CALN1: variants seen among roughly 807,000 people sequenced by gnomAD.
CALN1 encodes the protein calneuron 1, also known as calcium-binding protein 8.
CALN1 carries 17 observed loss-of-function variants against 30.6 expected under a neutral mutation model. That is an observed-to-expected ratio of 0.56 (90% CI 0.38 to 0.83). CALN1 has a LOEUF of 0.83. Among genes scored for constraint, CALN1 ranks in the 40% least tolerant of loss-of-function variants. The pLI is 0.00. For missense variants in CALN1, 291 were observed against 354.9 expected, an observed-to-expected ratio of 0.82 and a Z score of 1.45; for synonymous variants, 156 against 131.4, an observed-to-expected ratio of 1.19 and a Z score of -1.28.
intron 3 of CALN1, among the ~76,000 whole-genome samples, chr7:72,124,179 CGT>C (rs532802773): frequency 3.2e-4 from 48 of 152,078 alleles, no homozygotes; most frequent in Non-Finnish European, 5.1e-4. Context: ...GGCTCATGTC[CGT>C]GTGGATTTGG....
At chr7:72,229,614 G>C (rs1408516438) in intron 3 of CALN1, among the ~76,000 whole-genome samples, 4 of 151,988 alleles carry the variant, frequency 2.6e-5, no homozygotes, top group Non-Finnish European at 5.9e-5. Flanking sequence ...AAAGAAGAAT[G>C]AGTTCATGTC....
chr7:72,372,536 T>G, intron 2 of CALN1, among the ~76,000 whole-genome samples: 1 of 152,198 alleles, frequency 6.6e-6, no homozygotes, highest in African/African-American at 2.4e-5. Context: ...TATAAATATT[T>G]GGGCTCAATT....
rs192795203 is a variant in CALN1 at position 71,864,536 on chromosome 7, C to T, written c.502-54044G>A. Among the ~76,000 whole-genome samples the T allele has an allele frequency of 6.1e-3, 930 of 152,266 alleles. 8 individuals carry two copies. Among genetic ancestry groups the T allele is most frequent in the Non-Finnish European group, 7.9e-3 (536 of 68,026 alleles). Reference sequence around the variant, plus strand: ...AATTAGAACGAACCTGGACTAGAATCCTGAGCTCCAAATAGGCATCCCAAT... The same window carrying T: ...AATTAGAACGAACCTGGACTAGAATTCTGAGCTCCAAATAGGCATCCCAAT... On this transcript the variant is annotated intron_variant, in intron 5 of 6. Transcript: ENST00000395275.
In CALN1 at chr7:71,898,465, G is replaced by A. The variant is rs146138770; in HGVS notation, c.502-87973C>T. On this transcript the variant is annotated intron_variant, in intron 5 of 6. Coordinates refer to ENST00000395275, the MANE Select transcript of CALN1 (RefSeq NM_031468.4). ...AAAATGAATACTCCTGAATGATACCGGTAGAGGACAGAGAATACAAGAGAC... is the reference window on the plus strand; with the variant it reads ...AAAATGAATACTCCTGAATGATACCAGTAGAGGACAGAGAATACAAGAGAC... Among the ~76,000 whole-genome samples the A allele has an allele frequency of 1.6e-4, 24 of 152,284 alleles. No individual in the cohort carries two copies. The East Asian group carries it at 1.7e-3, about 11-fold the overall frequency.
chr7:72,256,465 A>G (rs901041644), intron 3 of CALN1, among the ~76,000 whole-genome samples: 6 of 152,198 alleles, frequency 3.9e-5, no homozygotes, highest in African/African-American at 1.4e-4. Context: ...TCTCTAAAAA[A>G]GAAAAAAGAA....
At chr7:71,958,508 G>C (rs1797082480) in intron 5 of CALN1, among the ~76,000 whole-genome samples, 1 of 152,150 alleles carries the variant, frequency 6.6e-6, no homozygotes, top group African/African-American at 2.4e-5. Context: ...AGACTACCAA[G>C]TTTGCCCAGG....
chr7:71,836,760 G>T (rs570947411), intron 5 of CALN1, among the ~76,000 whole-genome samples: 5 of 151,700 alleles, frequency 3.3e-5, no homozygotes, highest in African/African-American at 1.2e-4. Flanking sequence ...TGGGCTTACA[G>T]GCACCCAACA....
chr7:72,198,347 G>C (rs1282757984), intron 3 of CALN1, among the ~76,000 whole-genome samples: 1 of 152,152 alleles, frequency 6.6e-6, no homozygotes, highest in Non-Finnish European at 1.5e-5. Context: ...TAATCAATTT[G>C]ACATTTGAAT....
chr7:72,474,564 G>A, the CALN1 span, among the ~76,000 whole-genome samples: 1 of 151,898 alleles, frequency 6.6e-6, no homozygotes, highest in African/African-American at 2.4e-5. Context: ...CAATCCCTGT[G>A]GTCCCAGCTA....
At chr7:72,397,461 C>A (rs1383370261) in intron 2 of CALN1, among the ~76,000 whole-genome samples, 1 of 152,060 alleles carries the variant, frequency 6.6e-6, no homozygotes, top group South Asian at 2.1e-4. Context: ...TCATTCATCT[C>A]CCCAGTATGA....
intron 5 of CALN1, among the ~76,000 whole-genome samples, chr7:71,956,687 T>C (rs929976760): frequency 3.2e-4 from 48 of 151,744 alleles, no homozygotes; most frequent in Middle Eastern, 3.2e-3. Context: ...GCATTTACAT[T>C]TTATTTTATT....
intron 3 of CALN1, among the ~76,000 whole-genome samples, chr7:72,148,096 A>T (rs1786905574): frequency 1.4e-5 from 2 of 138,312 alleles, no homozygotes; most frequent in African/African-American, 2.7e-5. Flanking sequence ...TATAATAAAA[A>T]AAAATAAAAA....
chr7:72,337,433 C>A (rs1438634424), intron 2 of CALN1, among the ~76,000 whole-genome samples: 1 of 152,158 alleles, frequency 6.6e-6, no homozygotes, highest in Non-Finnish European at 1.5e-5. Flanking sequence ...CACACACACA[C>A]ACACACACGC....
At chr7:72,242,898 T>C (rs7799227) in intron 3 of CALN1, among the ~76,000 whole-genome samples, 54,273 of 151,886 alleles carry the variant, frequency 0.36, 10,656 homozygotes, top group Middle Eastern at 0.55. Context: ...AAAAATAAAA[T>C]TAAAATTAAA....
At chr7:72,380,459 C>T (rs935782383) in intron 2 of CALN1, among the ~76,000 whole-genome samples, 9 of 152,176 alleles carry the variant, frequency 5.9e-5, no homozygotes, top group Admixed American at 2.6e-4. Context: ...CCCGTCTCTA[C>T]GAAAAATATA....
chr7:72,350,378 C>T (rs1435944503), intron 2 of CALN1, among the ~76,000 whole-genome samples: 1 of 152,066 alleles, frequency 6.6e-6, no homozygotes, highest in African/African-American at 2.4e-5. Context: ...ATGGAATGAA[C>T]CTAAGTACCC....
chr7:72,350,020 G>C (rs1354391975), intron 2 of CALN1, among the ~76,000 whole-genome samples: 1 of 152,160 alleles, frequency 6.6e-6, no homozygotes, highest in African/African-American at 2.4e-5. Flanking sequence ...TCTACGTCCA[G>C]AATGGTATCT....
intron 4 of CALN1, among the ~76,000 whole-genome samples, chr7:72,040,570 T>G (rs1660030068): frequency 6.6e-6 from 1 of 152,214 alleles, no homozygotes; most frequent in African/African-American, 2.4e-5. Flanking sequence ...GATAGGTTAA[T>G]TCCCAATATG....
At chr7:72,138,325 T>G (rs1809647821) in intron 3 of CALN1, among the ~76,000 whole-genome samples, 1 of 152,222 alleles carries the variant, frequency 6.6e-6, no homozygotes, top group South Asian at 2.1e-4. Flanking sequence ...CTGGCTCTTT[T>G]AAGAAGAACA....
Sources: allele counts gnomAD v4.1 joint callset (sites outside exome capture counted in the v4.1 genomes callset), GRCh38; gene constraint gnomAD v4.1.1; transcripts MANE v1.5; gene names NCBI Gene and HGNC (gene_info 2026-07-23, HGNC 2026-07-21).